EVPL: variants seen among roughly 807,000 people sequenced by gnomAD.
The protein encoded by EVPL is 210 kDa cornified envelope precursor protein.
In EVPL, 94 loss-of-function variants were observed where a neutral mutation model predicts 129.7. The ratio of observed to expected loss-of-function variants is 0.72; its 90% CI spans 0.61 to 0.86. The LOEUF (loss-of-function observed/expected upper bound fraction) is 0.86. Among genes scored for constraint, EVPL ranks in the 40% least tolerant of loss-of-function variants. The pLI is 0.00. For synonymous variants in EVPL, 1,172 were observed against 1,191.1 expected, an observed-to-expected ratio of 0.98 and a Z score of 0.33; for missense variants, 2,625 against 2,721.1, an observed-to-expected ratio of 0.96 and a Z score of 0.79.
intron 14 of EVPL, among the ~76,000 whole-genome samples, chr17:76,017,268 G>A (rs142567491): frequency 6.6e-6 from 1 of 152,272 alleles, no homozygotes; most frequent in East Asian, 1.9e-4. Flanking sequence ...CCCGGTGTGG[G>A]TTTCACTCTG....
intron 11 of EVPL, 49 bp downstream of exon 11, chr17:76,018,865 G>T: frequency 6.7e-7 from 1 of 1,484,468 alleles, no homozygotes; most frequent in Non-Finnish European, 8.9e-7. Flanking sequence ...GCAGGGGATG[G>T]GTTGGGCGGG....
intron 1 of EVPL, 51 bp downstream of exon 1, chr17:76,027,050 G>A: frequency 8.9e-7 from 1 of 1,129,218 alleles, no homozygotes; most frequent in Non-Finnish European, 1.2e-6. Context: ...CCTGGGCCTG[G>A]CACCACCCCC....
chr17:76,019,456 G>A (rs2066441963), intron 10 of EVPL, 72 bp downstream of exon 10: 2 of 1,489,432 alleles, frequency 1.3e-6, no homozygotes, highest in Non-Finnish European at 1.8e-6. Flanking sequence ...GGCAGAAGGG[G>A]TGAGGCCCAG....
intron 1 of EVPL, among the ~76,000 whole-genome samples, chr17:76,026,887 T>A (rs1202881807): frequency 6.6e-6 from 1 of 152,218 alleles, no homozygotes. Flanking sequence ...GGTCATCCCC[T>A]GCCTCCTGCC....
At chr17:76,018,821 G>A (rs1406753890) in intron 11 of EVPL, 93 bp downstream of exon 11, 6 of 1,413,566 alleles carry the variant, frequency 4.2e-6, no homozygotes, top group African/African-American at 1.4e-5. Context: ...GCAGGAGACA[G>A]CTGGGGATGG....
chr17:76,023,366 G>A lies in EVPL; in HGVS notation c.406C>T (p.Leu136=), dbSNP rs775961051. ...VTQECAEYRA[L]YEKMVLPPDV... is the part of the protein sequence containing the mutation. ...GGGGGCAGCACCATCTTCTCGTACA[G>A]GGCACGGTACTCCGCACACTCCTGG... The change falls in exon 4 of 22, where the codon CTG becomes TTG. Residue 136 remains leucine, a synonymous_variant. Transcript: ENST00000301607. The A allele has an allele frequency of 6.2e-7, 1 of 1,613,922 alleles. No homozygotes were observed. The highest frequency in any genetic ancestry group is 8.5e-7 in the Non-Finnish European group (1 of 1,180,020).
In EVPL at chr17:76,014,977, G is replaced by C. The variant is rs756346405; in HGVS notation, c.2161C>G (p.Gln721Glu). 2.7e-5 allele frequency: 43 copies of C among 1,596,834 alleles called. No individual in the cohort carries two copies. The Admixed American group carries it at 2.8e-4, about 11-fold the overall frequency. The change falls in exon 17 of 22, where the codon CAG (glutamine) becomes GAG (glutamate). Residue 721 changes from glutamine (Q) to glutamate (E), a missense_variant. Gln to Glu is a conservative substitution (Grantham distance 29). Coordinates refer to ENST00000301607, the MANE Select transcript of EVPL (RefSeq NM_001988.4). Reference sequence around the variant, plus strand: ...TCGGTGAGGGCTCGCACCTGGCGCTGCTGGCGAGGCAGGTCTTGGCAGAAC... The same window carrying C: ...TCGGTGAGGGCTCGCACCTGGCGCTCCTGGCGAGGCAGGTCTTGGCAGAAC... Reference protein sequence around the residue: ...QEFCQDLPRQQRQVRALTDRY... With the variant: ...QEFCQDLPRQERQVRALTDRY...
At position 76,021,863 on chromosome 17, in the gene EVPL, C is replaced by A; in HGVS notation, c.807+4G>T. ...CCACCTGGCCCCGACCTCTGCCAGC[C>A]GACCTCGTACTCCCGCCGCACGCCC... On this transcript the variant is annotated splice_donor_region_variant and intron_variant, in intron 7 of 21. Coordinates refer to ENST00000301607, the MANE Select transcript of EVPL (RefSeq NM_001988.4). 2 of 1,558,226 alleles carry A rather than the reference C, an allele frequency of 1.3e-6. No homozygotes were observed. Among genetic ancestry groups the A allele is most frequent in the Non-Finnish European group, 1.7e-6 (2 of 1,159,006 alleles).
In EVPL at chr17:76,013,359, C is replaced by G. The variant is rs1049956833; in HGVS notation, c.2373+1067G>C. ...CATTTTCCGGCAGTCCCAGACCCAT[C>G]TTTGCTCTCACGAGCTCCTAGGGGA... On this transcript the variant is annotated intron_variant, in intron 18 of 21. Coordinates refer to ENST00000301607, the MANE Select transcript of EVPL (RefSeq NM_001988.4). This position sits in a 1 kb window ranked among gnomAD's most constrained non-coding sequence, Gnocchi z 4.3. 1.5e-4 allele frequency among the ~76,000 whole-genome samples: 23 copies of G among 152,176 alleles called. No individual in the cohort carries two copies. The highest frequency in any genetic ancestry group is 1.6e-4 in the Non-Finnish European group (11 of 68,032).
In EVPL at chr17:76,013,394, C is replaced by T. The variant is rs1242444661; in HGVS notation, c.2373+1032G>A. The stretch of plus-strand genomic sequence containing the variant: ...ACGAGCTCCTAGGGGAACCCCCAGC[C>T]CCAGTTCCCTCCCATATGCCTACGT... On this transcript the variant is annotated intron_variant, in intron 18 of 21. Coordinates refer to ENST00000301607, the MANE Select transcript of EVPL (RefSeq NM_001988.4). This position sits in a 1 kb window ranked among gnomAD's most constrained non-coding sequence, Gnocchi z 4.3. Among the ~76,000 whole-genome samples the T allele has an allele frequency of 6.6e-6, 1 of 152,170 alleles. No individual in the cohort carries two copies. Among genetic ancestry groups the T allele is most frequent in the Non-Finnish European group, 1.5e-5 (1 of 68,026 alleles).
At position 76,009,729 on chromosome 17, in the gene EVPL, A is replaced by T; in HGVS notation, c.3476T>A (p.Leu1159His). 1.9e-6 allele frequency: 3 copies of T among 1,613,486 alleles called. No individual in the cohort carries two copies. Among genetic ancestry groups the T allele is most frequent in the Non-Finnish European group, 2.5e-6 (3 of 1,179,952 alleles). ...LQESSRLRSL[L>H]EEERTKNATL... ...CGCGTTCTTGGTCCTCTCCTCCTCG[A>T]GGAGGCTCCTCAGCCTGGAGGACTC... Residue 1159 changes from leucine (L) to histidine (H), a missense_variant, in exon 22 of 22, where the codon CTC becomes CAC. Coordinates refer to ENST00000301607, the MANE Select transcript of EVPL (RefSeq NM_001988.4). The surrounding 1 kb of genome is among the most constrained non-coding windows in gnomAD (Gnocchi z 5.9).
In EVPL at chr17:76,011,780, G is replaced by T. The variant is rs148197672; in HGVS notation, c.2560C>A (p.Gln854Lys). Residue 854 changes from glutamine (Q) to lysine (K), a missense_variant, in exon 20 of 22, where the codon CAA (glutamine) becomes AAA (lysine). By Grantham distance (53) the Gln-to-Lys change is moderately conservative (BLOSUM62 1). Around this residue, in one of 4 missense-constraint regions of EVPL, gnomAD observed 1,024 missense variants for 997.5 expected, o/e 1.03. Coordinates refer to ENST00000301607, the MANE Select transcript of EVPL (RefSeq NM_001988.4). ...PRVAPLQESI[Q>K]AQEKNLAKAY... is the part of the protein sequence containing the mutation. ...GCAAGGTCCCATCTCACCTGGGCTTGGATGCTCTCTTGCAGGGGAGCCACT... is the reference window on the plus strand; with the variant it reads ...GCAAGGTCCCATCTCACCTGGGCTTTGATGCTCTCTTGCAGGGGAGCCACT... 6.2e-7 allele frequency: 1 copy of T among 1,612,042 alleles called. No individual in the cohort carries two copies.
At chr17:76,012,632 T>A (rs942642185) in intron 18 of EVPL, among the ~76,000 whole-genome samples, 2 of 151,960 alleles carry the variant, frequency 1.3e-5, no homozygotes, top group African/African-American at 4.8e-5. Context: ...CACAGTAGTA[T>A]CTGCGAGCAT....
Position 76,022,094 on chromosome 17 carries a change from T to C in EVPL, c.646-66A>G, listed in dbSNP as rs1361353040. 1.6e-5 allele frequency: 25 copies of C among 1,577,324 alleles called. No homozygotes were observed. Among genetic ancestry groups the C allele is most frequent in the Admixed American group, 7.4e-5 (4 of 54,140 alleles). On this transcript the variant is annotated intron_variant, in intron 6 of 21. Coordinates refer to ENST00000301607, the MANE Select transcript of EVPL (RefSeq NM_001988.4). The surrounding 1 kb of genome is among the most constrained non-coding windows in gnomAD (Gnocchi z 5.6). Reference sequence around the variant, plus strand: ...AGAAAGTGGGGGGCAAAAGGCGCCATTGGGCCGCGCTCAGGAACACTGGCC... The same window carrying C: ...AGAAAGTGGGGGGCAAAAGGCGCCACTGGGCCGCGCTCAGGAACACTGGCC...
chr17:76,019,826 A>T (rs1268148420), intron 9 of EVPL, among the ~76,000 whole-genome samples, 173 bp from the exon 10 acceptor site: 1 of 152,164 alleles, frequency 6.6e-6, no homozygotes, highest in East Asian at 1.9e-4. Flanking sequence ...CTAAACCAGT[A>T]ACCGCTAAGC....
At chr17:76,017,642 C>T (rs1187510198) in intron 14 of EVPL, 97 bp downstream of exon 14, 4 of 1,507,110 alleles carry the variant, frequency 2.7e-6, no homozygotes, top group African/African-American at 1.4e-5. Flanking sequence ...ATCTCCATCC[C>T]AGCCACCGCT....
chr17:76,026,242 ATTTT>A (rs61017516), intron 1 of EVPL, among the ~76,000 whole-genome samples: 10 of 130,180 alleles, frequency 7.7e-5, no homozygotes, highest in Middle Eastern at 4.1e-3. Flanking sequence ...TTGCGCCAGG[ATTTT>A]TTTTTTTTTT....
intron 9 of EVPL, among the ~76,000 whole-genome samples, chr17:76,020,292 A>G (rs942850945): frequency 6.6e-6 from 1 of 152,166 alleles, no homozygotes; most frequent in South Asian, 2.1e-4. Flanking sequence ...TGCTCTTGCA[A>G]ATGGGGTCTT....
At position 76,021,507 on chromosome 17, in the gene EVPL, G is replaced by A. The variant is rs2066457486; in HGVS notation, c.972C>T (p.Cys324=). 1 of 1,610,290 alleles carries A rather than the reference G, an allele frequency of 6.2e-7. No homozygotes were observed. The highest frequency in any genetic ancestry group is 8.5e-7 in the Non-Finnish European group (1 of 1,178,938). ...CCACGTGCTGCAGCTGGGTCTCCTG[G>A]CAGATACACAGGTTCAGGAAGTTCT... The part of the protein sequence containing the change: ...EWQNFLNLCI[C]QETQLQHVED... Residue 324 remains cysteine (C), a synonymous_variant, in exon 9 of 22, where the codon TGC becomes TGT. Transcript: ENST00000301607.
Sources: allele counts gnomAD v4.1 joint callset (sites outside exome capture counted in the v4.1 genomes callset), GRCh38; gene constraint gnomAD v4.1.1; regional missense constraint gnomAD v4.1.1; non-coding constraint Gnocchi (gnomAD v3.1); transcripts MANE v1.5; gene names NCBI Gene and HGNC (gene_info 2026-07-23, HGNC 2026-07-21).